Variants in ANO10 observed in about 807,000 individuals in gnomAD.
The protein encoded by ANO10 is anoctamin-10.
A neutral mutation model predicts 74.7 loss-of-function variants in ANO10; 77 were observed. That is an observed-to-expected ratio of 1.03 (90% CI 0.86 to 1.25). The LOEUF (loss-of-function observed/expected upper bound fraction) is 1.25, where lower values mean the gene tolerates loss of function less well. Among genes scored for constraint, ANO10 ranks in the 50% most tolerant of loss-of-function variants. ANO10 has a pLI of 0.00. For synonymous variants in ANO10, 279 were observed against 284.9 expected (o/e 0.98, Z 0.21); for missense variants, 721 against 778.1 (o/e 0.93, Z 0.87).
intron 5 of ANO10, among the ~76,000 whole-genome samples, chr3:43,579,621 AG>A (rs1462236365): frequency 6.6e-6 from 1 of 152,206 alleles, no homozygotes; most frequent in Non-Finnish European, 1.5e-5. Flanking sequence ...TGGGAGGCTG[AG>A]GCAGGAGAAT....
chr3:43,553,275 G>A (rs945398078), intron 10 of ANO10, among the ~76,000 whole-genome samples: 3 of 152,148 alleles, frequency 2.0e-5, no homozygotes, highest in African/African-American at 7.2e-5. Context: ...TTTACGATGT[G>A]TGTTGGCAAG....
At chr3:43,456,429 C>T (rs145129968) in intron 11 of ANO10, among the ~76,000 whole-genome samples, 47 of 152,326 alleles carry the variant, frequency 3.1e-4, no homozygotes, top group Middle Eastern at 3.4e-3. Flanking sequence ...GCAAACACAA[C>T]GCTGTGCATC....
intron 11 of ANO10, among the ~76,000 whole-genome samples, chr3:43,462,086 A>G (rs1397003794): frequency 6.6e-6 from 1 of 152,204 alleles, no homozygotes; most frequent in Non-Finnish European, 1.5e-5. Context: ...TTTAGCAAAG[A>G]GACTGGTGGC....
chr3:43,493,619 T>C (rs2076810566), intron 11 of ANO10, among the ~76,000 whole-genome samples: 1 of 151,844 alleles, frequency 6.6e-6, no homozygotes, highest in African/African-American at 2.4e-5. Flanking sequence ...TAAAAAAACA[T>C]AAAGGTTAAA....
intron 12 of ANO10, among the ~76,000 whole-genome samples, chr3:43,413,911 C>T (rs2148897794): frequency 6.6e-6 from 1 of 151,944 alleles, no homozygotes; most frequent in African/African-American, 2.4e-5. Context: ...CCATCTCCCC[C>T]TGCCTCCCCA....
At chr3:43,553,490 G>A (rs543748376) in intron 10 of ANO10, among the ~76,000 whole-genome samples, 1 of 150,856 alleles carries the variant, frequency 6.6e-6, no homozygotes, top group East Asian at 2.0e-4. Context: ...GGCTATGTTT[G>A]TGCTTACAGA....
At chr3:43,589,850 G>A in intron 4 of ANO10, among the ~76,000 whole-genome samples, 1 of 152,064 alleles carries the variant, frequency 6.6e-6, no homozygotes, top group East Asian at 1.9e-4. Flanking sequence ...GCTTAATTTG[G>A]TATTCTACAA....
intron 12 of ANO10, among the ~76,000 whole-genome samples, chr3:43,432,154 G>A (rs911508159): frequency 1.4e-5 from 2 of 147,052 alleles, no homozygotes; most frequent in African/African-American, 5.0e-5. Context: ...GGTAGAATGT[G>A]GAAGTCACTG....
chr3:43,450,081 T>C (rs1203273924), intron 11 of ANO10, among the ~76,000 whole-genome samples: 1 of 152,242 alleles, frequency 6.6e-6, no homozygotes. Flanking sequence ...AAATTCCAAA[T>C]GTTCACTGCA....
chr3:43,667,442 G>C (rs771860276), intron 1 of ANO10, among the ~76,000 whole-genome samples: 20 of 151,962 alleles, frequency 1.3e-4, no homozygotes, highest in Non-Finnish European at 2.6e-4. Context: ...AAAATTTTTT[G>C]ATTTGTATTT....
intron 1 of ANO10, chr3:43,690,819 C>T (rs2084353435): frequency 1.9e-6 from 1 of 525,776 alleles, no homozygotes; most frequent in Admixed American, 4.5e-5. Context: ...GACGCAAAGC[C>T]GGAGGCAAGG....
chr3:43,454,164 A>C (rs2075020299), intron 11 of ANO10, among the ~76,000 whole-genome samples: 1 of 152,180 alleles, frequency 6.6e-6, no homozygotes, highest in Non-Finnish European at 1.5e-5. Context: ...AGGCAAATGT[A>C]AAGGCCCTGA....
At chr3:43,511,814 G>A (rs2077517479) in intron 11 of ANO10, among the ~76,000 whole-genome samples, 1 of 152,206 alleles carries the variant, frequency 6.6e-6, no homozygotes, top group South Asian at 2.1e-4. Context: ...ATGAAATCAT[G>A]CCTGTGGGGT....
intron 12 of ANO10, among the ~76,000 whole-genome samples, chr3:43,431,262 G>A (rs917273599): frequency 6.6e-6 from 1 of 151,494 alleles, no homozygotes; most frequent in African/African-American, 2.4e-5. Flanking sequence ...TTGTAGAGAC[G>A]GGATTTCACC....
intron 12 of ANO10, among the ~76,000 whole-genome samples, chr3:43,375,363 G>C (rs532473849): frequency 6.6e-6 from 1 of 151,656 alleles, no homozygotes; most frequent in Admixed American, 6.6e-5. Flanking sequence ...TAGGAGAATC[G>C]CTTGAACCCG....
intron 1 of ANO10, among the ~76,000 whole-genome samples, chr3:43,630,826 C>A (rs182808034): frequency 6.6e-6 from 1 of 152,264 alleles, no homozygotes; most frequent in Admixed American, 6.5e-5. Flanking sequence ...GCTGAGTGTT[C>A]TTTAGTGTCT....
At chr3:43,473,903 C>A (rs192489317) in intron 11 of ANO10, among the ~76,000 whole-genome samples, 118 of 152,216 alleles carry the variant, frequency 7.8e-4, no homozygotes, top group African/African-American at 2.5e-3. Flanking sequence ...TGACAGAGGC[C>A]TGGTGATGAC....
intron 1 of ANO10, among the ~76,000 whole-genome samples, chr3:43,656,888 G>T (rs2149571196): frequency 6.6e-6 from 1 of 152,372 alleles, no homozygotes; most frequent in South Asian, 2.1e-4. Context: ...TGCAGCGGTG[G>T]GCTGAAGGGC....
intron 6 of ANO10, among the ~76,000 whole-genome samples, 199 bp from the exon 7 acceptor site, chr3:43,575,063 T>C (rs1227604109): frequency 6.6e-6 from 1 of 151,888 alleles, no homozygotes; most frequent in South Asian, 2.1e-4. Context: ...GGTACTGCAA[T>C]AGCACTGTAG....
Sources: allele counts gnomAD v4.1 joint callset (sites outside exome capture counted in the v4.1 genomes callset), GRCh38; gene constraint gnomAD v4.1.1; transcripts MANE v1.5; gene names NCBI Gene and HGNC (gene_info 2026-07-23, HGNC 2026-07-21).